CARMIL1: variants seen among roughly 807,000 people sequenced by gnomAD.
CARMIL1 encodes the protein F-actin-uncapping protein LRRC16A.
A neutral mutation model predicts 177.1 loss-of-function variants in CARMIL1; 90 were observed. The observed-to-expected ratio is 0.51, with a 90% CI of 0.43 to 0.61. The LOEUF is 0.61. Among genes scored for constraint, CARMIL1 ranks in the 20% least tolerant of loss-of-function variants. The pLI, the probability that CARMIL1 is intolerant of heterozygous loss-of-function variation, is 0.00. For missense variants in CARMIL1, 1,380 were observed against 1,667.0 expected (o/e 0.83, Z 3.00); for synonymous variants, 577 against 606.2 (o/e 0.95, Z 0.71).
intron 29 of CARMIL1, chr6:25,563,580 A>C (rs1811317659): frequency 1.0e-6 from 1 of 985,336 alleles, no homozygotes; most frequent in African/African-American, 1.7e-5. Context: ...TTGAAGTCTT[A>C]GGTAGCGATG....
At chr6:25,531,930 C>T (rs1807800018) in intron 24 of CARMIL1, among the ~76,000 whole-genome samples, 5 of 151,942 alleles carry the variant, frequency 3.3e-5, no homozygotes, top group Admixed American at 3.3e-4. Flanking sequence ...ATCACCACAC[C>T]CAGCTAATTT....
At chr6:25,340,781 T>TTTTTTTTTTTTTTTG (rs1376567829) in intron 2 of CARMIL1, among the ~76,000 whole-genome samples, 3 of 93,978 alleles carry the variant, frequency 3.2e-5, no homozygotes, top group East Asian at 2.5e-4. Context: ...ATGAAGGTTT[T>TTTTTTTTTTTTTTTG]TTTTTTTTTT....
intron 2 of CARMIL1, among the ~76,000 whole-genome samples, chr6:25,408,831 A>G (rs1383217468): frequency 6.6e-6 from 1 of 152,092 alleles, no homozygotes; most frequent in Non-Finnish European, 1.5e-5. Flanking sequence ...TAGAAAAAAA[A>G]AAAAAAAGAT....
chr6:25,324,480 A>G (rs1784919290), intron 2 of CARMIL1, among the ~76,000 whole-genome samples: 1 of 152,194 alleles, frequency 6.6e-6, no homozygotes. Context: ...AGGAAATAGC[A>G]GCAAATTTTT....
At chr6:25,415,187 G>C (rs902804021) in intron 2 of CARMIL1, among the ~76,000 whole-genome samples, 63 of 151,568 alleles carry the variant, frequency 4.2e-4, no homozygotes, top group African/African-American at 1.4e-3. Context: ...TTTAGAGATG[G>C]GGTCTTGCTC....
rs907476894 is a variant in CARMIL1, at chr6:25,564,433, A to G, written c.2742+7583A>G. Among the ~76,000 whole-genome samples the G allele has an allele frequency of 2.0e-5, 3 of 152,230 alleles. No individual in the cohort carries two copies. The East Asian group carries it at 5.8e-4, about 29-fold the overall frequency. ...TGCCTTATGTTGTTGATCTTCATTG[A>G]GGACCACTTTAATAAATATCCCTAT... On this transcript the variant is annotated intron_variant, in intron 29 of 36. Coordinates refer to ENST00000329474, the MANE Select transcript of CARMIL1 (RefSeq NM_017640.6).
At chr6:25,384,511 G>A (rs1450137748) in intron 2 of CARMIL1, among the ~76,000 whole-genome samples, 2 of 152,238 alleles carry the variant, frequency 1.3e-5, no homozygotes, top group Non-Finnish European at 2.9e-5. Context: ...TGTGTCCGTT[G>A]GGTGATGGTT....
Position 25,313,683 on chromosome 6 carries a change from G to GCATATATATATA in CARMIL1, c.138+28774_138+28775insCATATATATATA. 5.7e-4 allele frequency among the ~76,000 whole-genome samples: 76 copies of GCATATATATATA among 133,566 alleles called. 2 individuals carry two copies. Among genetic ancestry groups the GCATATATATATA allele is most frequent in the East Asian group, 2.2e-3 (9 of 4,072 alleles). The allele number at this position is 133,566 out of a possible 152,430, so 87.6% of individuals were successfully genotyped here. ...TAAAGATCTTTACCCAGGGAAGGCT[G>GCATATATATATA]TATATATACAGTTATTTGGGAGAAA... is the stretch of plus-strand genomic sequence containing the variant. On this transcript the variant is annotated intron_variant, in intron 2 of 36. Coordinates refer to ENST00000329474, the MANE Select transcript of CARMIL1 (RefSeq NM_017640.6).
intron 9 of CARMIL1, among the ~76,000 whole-genome samples, chr6:25,470,089 G>T (rs945176210): frequency 4.0e-5 from 6 of 151,758 alleles, no homozygotes; most frequent in Non-Finnish European, 4.4e-5. Context: ...CTACATAATG[G>T]TTTTTTTGAC....
intron 15 of CARMIL1, 25 bp downstream of exon 15, chr6:25,492,049 T>C: frequency 6.3e-7 from 1 of 1,597,016 alleles, no homozygotes; most frequent in Middle Eastern, 1.7e-4. Flanking sequence ...CTGCTCTCAT[T>C]GTCATCTGGA....
At chr6:25,537,739 C>T in intron 24 of CARMIL1, 116 bp from the exon 25 acceptor site, 2 of 1,230,066 alleles carry the variant, frequency 1.6e-6, no homozygotes, top group East Asian at 2.5e-5. Context: ...GGTTTTCATC[C>T]TTGTGCATTC....
chr6:25,579,259 G>GAA lies in CARMIL1; in HGVS notation c.2743-1653_2743-1652dup, dbSNP rs5875052. Among the ~76,000 whole-genome samples, 153 of 143,904 alleles carry GAA rather than the reference G, an allele frequency of 1.1e-3. 2 individuals are homozygous for GAA. Among genetic ancestry groups the GAA allele is most frequent in the African/African-American group, 2.0e-3 (79 of 39,576 alleles). The allele number at this position is 143,904 out of a possible 152,430, so 94.4% of individuals were successfully genotyped here. ...CCTGTAAAATATAATCAAGAGTCAG[G>GAA]AAAAAAAAAAAAAGACATCTTCAGT... On this transcript the variant is annotated intron_variant, in intron 29 of 36. Coordinates refer to ENST00000329474, the MANE Select transcript of CARMIL1 (RefSeq NM_017640.6).
At chr6:25,524,603 G>A (rs1244317007) in intron 23 of CARMIL1, among the ~76,000 whole-genome samples, 2 of 152,084 alleles carry the variant, frequency 1.3e-5, no homozygotes, top group African/African-American at 4.8e-5. Context: ...ATGTTAAAAA[G>A]CAACAAACAC....
chr6:25,601,206 T>C lies in CARMIL1; in HGVS notation c.3552+460T>C, dbSNP rs116005604. ...AATAGAAATCCAAAACCATAACTTA[T>C]TGCTAAAGAACCTGGAGCACAGACC... On this transcript the variant is annotated intron_variant, in intron 33 of 36. Transcript: ENST00000329474. Among the ~76,000 whole-genome samples the C allele has an allele frequency of 6.2e-3, 941 of 152,322 alleles. 4 individuals carry two copies. Among genetic ancestry groups the C allele is most frequent in the Middle Eastern group, 0.024 (7 of 294 alleles).
intron 2 of CARMIL1, among the ~76,000 whole-genome samples, chr6:25,309,766 CTTTT>C (rs34514583): frequency 4.3e-5 from 5 of 116,902 alleles, no homozygotes; most frequent in Admixed American, 1.9e-4. Context: ...TATACCACAT[CTTTT>C]TTTTTTTTTT....
chr6:25,481,842 C>T (rs981268252), intron 11 of CARMIL1, among the ~76,000 whole-genome samples: 12 of 152,202 alleles, frequency 7.9e-5, no homozygotes, highest in African/African-American at 2.9e-4. Flanking sequence ...GTTAATATTA[C>T]TCCATTCTTC....
At chr6:25,368,438 A>G (rs1168659880) in intron 2 of CARMIL1, among the ~76,000 whole-genome samples, 1 of 152,240 alleles carries the variant, frequency 6.6e-6, no homozygotes, top group African/African-American at 2.4e-5. Flanking sequence ...AAATTAGCCC[A>G]GTACATCACT....
At chr6:25,340,539 A>G (rs763152908) in intron 2 of CARMIL1, among the ~76,000 whole-genome samples, 6 of 152,182 alleles carry the variant, frequency 3.9e-5, no homozygotes, top group Non-Finnish European at 8.8e-5. Context: ...CAGAGTACAT[A>G]ATGCCCAGAT....
chr6:25,473,167 G>GT (rs1288440201), intron 11 of CARMIL1, among the ~76,000 whole-genome samples: 1 of 152,160 alleles, frequency 6.6e-6, no homozygotes, highest in Non-Finnish European at 1.5e-5. Flanking sequence ...TGATGCTTTA[G>GT]TTTCTTTTAA....
Sources: allele counts gnomAD v4.1 joint callset (sites outside exome capture counted in the v4.1 genomes callset), GRCh38; gene constraint gnomAD v4.1.1; transcripts MANE v1.5; gene names NCBI Gene and HGNC (gene_info 2026-07-23, HGNC 2026-07-21).